CNTN5: variants seen among roughly 807,000 people sequenced by gnomAD.
The protein encoded by CNTN5 is contactin 5.
Under a neutral mutation model 129.1 loss-of-function variants are expected in CNTN5, and 77 were observed. The ratio of observed to expected loss-of-function variants is 0.60; its 90% CI spans 0.50 to 0.72. The LOEUF (loss-of-function observed/expected upper bound fraction) is 0.72, where lower values mean the gene tolerates loss of function less well. CNTN5 is among the 30% of genes least tolerant of loss of function. The pLI, the probability that CNTN5 is intolerant of heterozygous loss-of-function variation, is 0.00. For missense variants in CNTN5, 1,478 were observed against 1,328.8 expected (o/e 1.11, Z -1.75); for synonymous variants, 509 against 465.6 (o/e 1.09, Z -1.20).
chr11:99,875,264 A>G (rs941345848), intron 6 of CNTN5, among the ~76,000 whole-genome samples: 4 of 152,146 alleles, frequency 2.6e-5, no homozygotes, highest in African/African-American at 7.2e-5. Flanking sequence ...GAAAAATAAT[A>G]CTTCGATCAG....
chr11:99,969,915 A>G (rs1284260694), intron 8 of CNTN5, among the ~76,000 whole-genome samples: 2 of 152,134 alleles, frequency 1.3e-5, no homozygotes, highest in African/African-American at 2.4e-5. Context: ...GATATTTTTA[A>G]ATATTTTTTT....
chr11:100,090,864 A>G (rs1002871196), intron 13 of CNTN5, among the ~76,000 whole-genome samples: 1 of 152,050 alleles, frequency 6.6e-6, no homozygotes, highest in Admixed American at 6.6e-5. Flanking sequence ...CACACATAAT[A>G]CACATCACTT....
At chr11:99,367,259 T>A in intron 2 of CNTN5, among the ~76,000 whole-genome samples, 1 of 152,156 alleles carries the variant, frequency 6.6e-6, no homozygotes, top group East Asian at 1.9e-4. Context: ...AATTCATAAT[T>A]ATGCTGGAAA....
intron 3 of CNTN5, among the ~76,000 whole-genome samples, chr11:99,641,991 C>G (rs1442442358): frequency 1.3e-5 from 2 of 152,144 alleles, no homozygotes; most frequent in Non-Finnish European, 2.9e-5. Context: ...GACCTCCTCC[C>G]TTTGGATATG....
intron 2 of CNTN5, among the ~76,000 whole-genome samples, chr11:99,460,809 G>T (rs973402911): frequency 6.6e-6 from 1 of 151,972 alleles, no homozygotes; most frequent in African/African-American, 2.4e-5. Context: ...AGTCACTTTG[G>T]AATCACGTTA....
chr11:99,349,400 GT>G (rs1416950379), intron 2 of CNTN5, among the ~76,000 whole-genome samples: 1 of 152,136 alleles, frequency 6.6e-6, no homozygotes, highest in Non-Finnish European at 1.5e-5. Flanking sequence ...GTGAACTGCT[GT>G]TCAGCTCCAT....
intron 13 of CNTN5, among the ~76,000 whole-genome samples, chr11:100,151,437 G>A (rs1249743999): frequency 7.2e-6 from 1 of 139,790 alleles, no homozygotes; most frequent in Non-Finnish European, 1.5e-5. Flanking sequence ...ATGAGAGTAG[G>A]AGATTATAGA....
At chr11:100,146,391 G>A (rs995624731) in intron 13 of CNTN5, among the ~76,000 whole-genome samples, 2 of 151,958 alleles carry the variant, frequency 1.3e-5, no homozygotes, top group African/African-American at 2.4e-5. Flanking sequence ...TTTCTAATCA[G>A]GAGTACACAC....
At chr11:99,111,964 C>T (rs564336767) in intron 1 of CNTN5, among the ~76,000 whole-genome samples, 5 of 152,134 alleles carry the variant, frequency 3.3e-5, no homozygotes, top group Non-Finnish European at 7.4e-5. Flanking sequence ...TATTATTTTG[C>T]ATGCTACTTG....
intron 17 of CNTN5, among the ~76,000 whole-genome samples, chr11:100,264,904 G>T (rs1950272036): frequency 6.6e-6 from 1 of 151,942 alleles, no homozygotes; most frequent in African/African-American, 2.4e-5. Flanking sequence ...GTTTTTTCTT[G>T]ACTTTTTAGT....
intron 2 of CNTN5, among the ~76,000 whole-genome samples, chr11:99,515,077 A>G (rs55727856): frequency 0.066 from 9,998 of 152,112 alleles, 363 homozygotes; most frequent in African/African-American, 0.097. Context: ...AAAATTGAAA[A>G]CAGGTCACTG....
intron 3 of CNTN5, among the ~76,000 whole-genome samples, chr11:99,771,260 A>G (rs943946715): frequency 1.3e-5 from 2 of 152,108 alleles, no homozygotes; most frequent in Non-Finnish European, 2.9e-5. Flanking sequence ...TGCTGAAGAC[A>G]TAGCTATACT....
chr11:100,347,908 C>T (rs537480), intron 23 of CNTN5, among the ~76,000 whole-genome samples: 99,142 of 151,776 alleles, frequency 0.65, 32,908 homozygotes, highest in East Asian at 0.97. Flanking sequence ...TTTATTCTGT[C>T]ATATTTTTAG....
intron 3 of CNTN5, among the ~76,000 whole-genome samples, chr11:99,597,524 A>C (rs796274759): frequency 1.8e-4 from 27 of 152,204 alleles, no homozygotes; most frequent in African/African-American, 6.3e-4. Context: ...GAAAAAAAAA[A>C]ATATAGGTTG....
intron 3 of CNTN5, among the ~76,000 whole-genome samples, chr11:99,811,896 C>A (rs1217151514): frequency 6.6e-6 from 1 of 152,094 alleles, no homozygotes; most frequent in African/African-American, 2.4e-5. Flanking sequence ...ATTTAGCTGA[C>A]ATCTTCAGCA....
intron 1 of CNTN5, among the ~76,000 whole-genome samples, chr11:99,101,193 T>C (rs186963710): frequency 2.5e-4 from 38 of 152,286 alleles, no homozygotes; most frequent in East Asian, 3.9e-4. Flanking sequence ...GAGAACAGTA[T>C]TGGGGAAACC....
chr11:99,344,443 G>C (rs1414593970), intron 2 of CNTN5, among the ~76,000 whole-genome samples: 1 of 151,992 alleles, frequency 6.6e-6, no homozygotes, highest in Non-Finnish European at 1.5e-5. Context: ...TAAAAATCCT[G>C]ATCTGACAGG....
intron 1 of CNTN5, among the ~76,000 whole-genome samples, chr11:99,174,002 T>TTGTG (rs10696025): frequency 5.3e-5 from 8 of 150,866 alleles, no homozygotes; most frequent in Non-Finnish European, 7.4e-5. Flanking sequence ...AAAATGCCTT[T>TTGTG]TGTGTGTGTG....
intron 3 of CNTN5, among the ~76,000 whole-genome samples, chr11:99,611,786 A>T (rs750206866): frequency 2.4e-4 from 36 of 152,194 alleles, no homozygotes; most frequent in Non-Finnish European, 4.0e-4. Context: ...ACAAAATTAC[A>T]TATGGAAAAG....
Sources: allele counts gnomAD v4.1 joint callset (sites outside exome capture counted in the v4.1 genomes callset), GRCh38; gene constraint gnomAD v4.1.1; transcripts MANE v1.5; gene names NCBI Gene and HGNC (gene_info 2026-07-23, HGNC 2026-07-21).